Variants in ASTN2 observed in about 807,000 individuals in gnomAD.
ASTN2 encodes astrotactin 2.
ASTN2 carries 54 observed loss-of-function variants against 139.8 expected under a neutral mutation model. That is an observed-to-expected ratio of 0.39 (90% CI 0.31 to 0.48). ASTN2 has a LOEUF of 0.48. Among genes scored for constraint, ASTN2 ranks in the 20% least tolerant of loss-of-function variants. The pLI is 0.95. For missense variants in ASTN2, 1,565 were observed against 1,725.1 expected (o/e 0.91, Z 1.64); for synonymous variants, 756 against 719.5 (o/e 1.05, Z -0.81).
chr9:116,534,473 T>C (rs1036855248), intron 19 of ASTN2, among the ~76,000 whole-genome samples: 6 of 152,226 alleles, frequency 3.9e-5, no homozygotes, highest in African/African-American at 1.4e-4. Flanking sequence ...ATTTTAGATC[T>C]TTCCTGCTTT....
chr9:116,788,385 A>G (rs1028014983), intron 13 of ASTN2, among the ~76,000 whole-genome samples: 3 of 152,232 alleles, frequency 2.0e-5, no homozygotes, highest in Admixed American at 6.5e-5. Context: ...GCTTGATTTA[A>G]TCATTCCACA....
intron 17 of ASTN2, among the ~76,000 whole-genome samples, chr9:116,633,887 G>C (rs1393555301): frequency 6.6e-6 from 1 of 152,174 alleles, no homozygotes; most frequent in Non-Finnish European, 1.5e-5. Context: ...GAGGAAGCTT[G>C]GAAGTGGTAG....
intron 16 of ASTN2, among the ~76,000 whole-genome samples, chr9:116,705,873 T>C (rs1051697246): frequency 6.6e-6 from 1 of 152,058 alleles, no homozygotes; most frequent in Non-Finnish European, 1.5e-5. Flanking sequence ...AGGTACAAGA[T>C]TAGGATGAAG....
In ASTN2 at chr9:117,414,961, C is replaced by T; in HGVS notation, c.-23G>A. On this transcript the variant is annotated 5_prime_UTR_variant, in exon 1 of 23. Transcript: ENST00000313400. This position sits in a 1 kb window ranked among gnomAD's most constrained non-coding sequence, Gnocchi z 4.2. ...CATGGCGGGAGGGGCTGCGGTGCTG[C>T]GGGCGGCGGCGGCGGTGGCGGCGGT... 2 of 226,454 alleles carry T rather than the reference C, an allele frequency of 8.8e-6. No individual in the cohort carries two copies. The highest frequency in any genetic ancestry group is 1.5e-5 in the Non-Finnish European group (2 of 129,698). The allele number at this position is 226,454 out of a possible 1,614,324, so 14.0% of individuals were successfully genotyped here. A position where few individuals can be genotyped will look rare whatever the true frequency, so the allele number is the denominator to read the frequency against.
At chr9:116,856,921 A>C (rs907558312) in intron 11 of ASTN2, among the ~76,000 whole-genome samples, 2 of 152,142 alleles carry the variant, frequency 1.3e-5, no homozygotes, top group African/African-American at 2.4e-5. Flanking sequence ...TCACTCTAAG[A>C]CCCAGCGAGT....
intron 2 of ASTN2, among the ~76,000 whole-genome samples, chr9:117,270,625 T>C (rs140155448): frequency 8.6e-4 from 131 of 152,334 alleles, no homozygotes; most frequent in Middle Eastern, 3.4e-3. Context: ...GGTCTCACCA[T>C]TGAGTGGCTC....
At chr9:116,816,493 C>T (rs1831333412) in intron 12 of ASTN2, among the ~76,000 whole-genome samples, 1 of 152,144 alleles carries the variant, frequency 6.6e-6, no homozygotes, top group South Asian at 2.1e-4. Flanking sequence ...ATTATTTGCA[C>T]CTAATAAAAG....
chr9:116,624,244 C>T (rs1470461107), intron 17 of ASTN2, among the ~76,000 whole-genome samples: 2 of 152,132 alleles, frequency 1.3e-5, no homozygotes, highest in Admixed American at 6.5e-5. Context: ...AAAGATTCCT[C>T]GTTCTTAACC....
At chr9:116,885,357 A>G (rs1833568603) in intron 10 of ASTN2, among the ~76,000 whole-genome samples, 1 of 152,202 alleles carries the variant, frequency 6.6e-6, no homozygotes, top group Non-Finnish European at 1.5e-5. Context: ...CTATGTATCA[A>G]TAAAAAAAGA....
At chr9:117,407,162 G>T (rs907734163) in intron 1 of ASTN2, among the ~76,000 whole-genome samples, 1 of 152,206 alleles carries the variant, frequency 6.6e-6, no homozygotes, top group African/African-American at 2.4e-5. Flanking sequence ...TTCCCCAGGG[G>T]ATGGTGAGGT....
intron 11 of ASTN2, among the ~76,000 whole-genome samples, chr9:116,826,956 C>A (rs533125903): frequency 6.6e-6 from 1 of 152,066 alleles, no homozygotes; most frequent in Non-Finnish European, 1.5e-5. Context: ...AAGTTTATAG[C>A]ATTAAATGCC....
At position 116,611,446 on chromosome 9, in the gene ASTN2, G is replaced by C. The variant is rs191233562; in HGVS notation, c.3355+6878C>G. The stretch of plus-strand genomic sequence containing the variant: ...AAATCAATGAAATAGGAAACAATAA[G>C]CAAAAACAGATAAAACCGAAAGTTG... On this transcript the variant is annotated intron_variant, in intron 19 of 22. Transcript: ENST00000313400. 12 of 151,856 alleles carry C rather than the reference G, an allele frequency of 7.9e-5. No individual in the cohort carries two copies. In the East Asian group the frequency reaches 2.3e-3, roughly 29 times the overall value. The allele number at this position is 151,856 out of a possible 1,614,324, so 9.4% of individuals were successfully genotyped here.
chr9:117,065,008 T>A (rs936038764), intron 5 of ASTN2, among the ~76,000 whole-genome samples: 1 of 152,072 alleles, frequency 6.6e-6, no homozygotes, highest in Non-Finnish European at 1.5e-5. Flanking sequence ...GATCTCTAGA[T>A]GAGATCATAC....
chr9:117,292,515 T>A (rs1354585042), intron 1 of ASTN2, among the ~76,000 whole-genome samples: 1 of 152,158 alleles, frequency 6.6e-6, no homozygotes, highest in African/African-American at 2.4e-5. Flanking sequence ...GTGGTGGATT[T>A]CTTGGAGGAT....
intron 2 of ASTN2, among the ~76,000 whole-genome samples, chr9:117,237,221 A>C (rs1588119982): frequency 6.6e-6 from 1 of 152,116 alleles, no homozygotes; most frequent in Non-Finnish European, 1.5e-5. Flanking sequence ...TTTTGCACCA[A>C]CCTAATAGTT....
rs145835912 is a variant in ASTN2, at chr9:116,852,371, A to G, written c.2040+11212T>C. Among the ~76,000 whole-genome samples the G allele has an allele frequency of 9.2e-3, 1,396 of 152,310 alleles. 6 individuals are homozygous for G. Among genetic ancestry groups the G allele is most frequent in the South Asian group, 0.016 (78 of 4,824 alleles). On this transcript the variant is annotated intron_variant, in intron 11 of 22. Transcript: ENST00000313400. ...CAAAGTCACACAGCTTCCCAGTTAC[A>G]GGGATGGGATTTGAATCCAACTCTG...
At chr9:116,478,600 T>C (rs1434438982) in intron 20 of ASTN2, among the ~76,000 whole-genome samples, 3 of 152,184 alleles carry the variant, frequency 2.0e-5, no homozygotes, top group African/African-American at 7.2e-5. Context: ...CAGAAATATC[T>C]GACCTTAAGC....
chr9:116,714,717 T>G (rs1290202103), intron 16 of ASTN2, among the ~76,000 whole-genome samples: 1 of 152,196 alleles, frequency 6.6e-6, no homozygotes, highest in East Asian at 1.9e-4. Flanking sequence ...GGAGAATGCA[T>G]CAATGACTGA....
chr9:117,414,474 C>A lies in ASTN2; in HGVS notation c.442+23G>T. On this transcript the variant is annotated intron_variant, in intron 1 of 22. Transcript: ENST00000313400. This position sits in a 1 kb window ranked among gnomAD's most constrained non-coding sequence, Gnocchi z 4.2. ...GGGCTCGGGGTTCCTTGGGATCTAG[C>A]GCGTGCCGGCGCCCAGCCTTACCCA... is the stretch of plus-strand genomic sequence containing the variant. The A allele has an allele frequency of 1.2e-6, 2 of 1,605,678 alleles. No individual in the cohort carries two copies. The highest frequency in any genetic ancestry group is 1.7e-6 in the Non-Finnish European group (2 of 1,176,420).
Sources: allele counts gnomAD v4.1 joint callset (sites outside exome capture counted in the v4.1 genomes callset), GRCh38; gene constraint gnomAD v4.1.1; non-coding constraint Gnocchi (gnomAD v3.1); transcripts MANE v1.5; gene names NCBI Gene and HGNC (gene_info 2026-07-23, HGNC 2026-07-21).